HPSE2: variants seen among roughly 807,000 people sequenced by gnomAD.
The protein encoded by HPSE2 is inactive heparanase-2.
Under a neutral mutation model 60.5 loss-of-function variants are expected in HPSE2, and 38 were observed. The ratio of observed to expected loss-of-function variants is 0.63; its 90% CI spans 0.48 to 0.82. HPSE2 has a LOEUF of 0.82. Among genes scored for constraint, HPSE2 ranks in the 40% least tolerant of loss-of-function variants. The probability of loss-of-function intolerance (pLI) is 0.00; values close to 1 mark genes in which losing one functional copy is unlikely to be tolerated. For missense variants in HPSE2, 713 were observed against 740.4 expected (o/e 0.96, Z 0.43); for synonymous variants, 295 against 293.2 (o/e 1.01, Z -0.06).
intron 2 of HPSE2, among the ~76,000 whole-genome samples, chr10:99,163,345 GATTT>G (rs1846924002): frequency 6.6e-6 from 1 of 151,994 alleles, no homozygotes; most frequent in Non-Finnish European, 1.5e-5. Context: ...ATTTCCTTCA[GATTT>G]ATTTAAAGAA....
At chr10:99,250,526 C>T in the HPSE2 span, among the ~76,000 whole-genome samples, 1 of 152,134 alleles carries the variant, frequency 6.6e-6, no homozygotes, top group Non-Finnish European at 1.5e-5. Context: ...CTACAAAATA[C>T]TCTGCTCATC....
intron 3 of HPSE2, among the ~76,000 whole-genome samples, chr10:98,895,710 A>T (rs1448093052): frequency 6.6e-6 from 1 of 151,410 alleles, no homozygotes; most frequent in African/African-American, 2.4e-5. Context: ...GATAGACTGG[A>T]TTAAGAAAAT....
At chr10:98,745,286 C>G (rs1046520464) in intron 3 of HPSE2, among the ~76,000 whole-genome samples, 1 of 152,180 alleles carries the variant, frequency 6.6e-6, no homozygotes, top group Non-Finnish European at 1.5e-5. Context: ...CATGTGTCTC[C>G]TATTTATCCC....
chr10:99,307,383 T>G, the HPSE2 span, among the ~76,000 whole-genome samples: 119 of 152,192 alleles, frequency 7.8e-4, 1 homozygote, highest in Non-Finnish European at 1.5e-3. Context: ...GACTATTGAT[T>G]GTGCACCTCA....
At chr10:98,464,361 G>A (rs1940437474) in intron 11 of HPSE2, among the ~76,000 whole-genome samples, 1 of 152,160 alleles carries the variant, frequency 6.6e-6, no homozygotes, top group African/African-American at 2.4e-5. Flanking sequence ...AAGCCCCCGT[G>A]CCCTAGCATG....
At chr10:98,962,445 C>T (rs11189908) in intron 3 of HPSE2, among the ~76,000 whole-genome samples, 1 of 151,828 alleles carries the variant, frequency 6.6e-6, no homozygotes, top group African/African-American at 2.4e-5. Flanking sequence ...GTAATAAGAG[C>T]TATTTATGAC....
At chr10:98,920,467 T>G (rs1403714931) in intron 3 of HPSE2, among the ~76,000 whole-genome samples, 1 of 152,190 alleles carries the variant, frequency 6.6e-6, no homozygotes, top group Non-Finnish European at 1.5e-5. Context: ...CACAATACTT[T>G]AAGTAAATGT....
intron 11 of HPSE2, among the ~76,000 whole-genome samples, chr10:98,470,008 T>C (rs1998755): frequency 0.4 from 60,854 of 152,058 alleles, 13,570 homozygotes; most frequent in African/African-American, 0.62. Context: ...GTTTCCCCAG[T>C]CCTAATTGTG....
chr10:99,209,968 G>A (rs973974412), intron 2 of HPSE2, among the ~76,000 whole-genome samples: 2 of 152,194 alleles, frequency 1.3e-5, no homozygotes, highest in Admixed American at 6.5e-5. Context: ...GATTACAGGC[G>A]TAAGCCACTG....
At chr10:98,490,320 T>A in intron 9 of HPSE2, 124 bp from the exon 10 acceptor site, 1 of 1,176,392 alleles carries the variant, frequency 8.5e-7, no homozygotes, top group Non-Finnish European at 1.2e-6. Context: ...CTACCTGGAG[T>A]CATGAGTCAT....
chr10:98,672,909 T>G (rs1424585130), intron 6 of HPSE2, among the ~76,000 whole-genome samples: 1 of 152,234 alleles, frequency 6.6e-6, no homozygotes, highest in Non-Finnish European at 1.5e-5. Flanking sequence ...TGAAAAGTGT[T>G]GCTTGCAAAG....
the HPSE2 span, among the ~76,000 whole-genome samples, chr10:99,268,736 T>C: frequency 6.6e-6 from 1 of 150,520 alleles, no homozygotes; most frequent in South Asian, 2.1e-4. Context: ...AAATAATAAA[T>C]AAATAACAAG....
intron 9 of HPSE2, among the ~76,000 whole-genome samples, chr10:98,578,592 A>C (rs1336888595): frequency 6.6e-6 from 1 of 152,250 alleles, no homozygotes; most frequent in Non-Finnish European, 1.5e-5. Flanking sequence ...TAAATATCAA[A>C]TAGTCTGCAT....
At chr10:98,715,370 AT>A (rs1395046039) in intron 5 of HPSE2, among the ~76,000 whole-genome samples, 1 of 151,976 alleles carries the variant, frequency 6.6e-6, no homozygotes, top group Non-Finnish European at 1.5e-5. Flanking sequence ...AATACCATAT[AT>A]TTCTATATCA....
At chr10:98,546,358 C>G (rs964490827) in intron 9 of HPSE2, among the ~76,000 whole-genome samples, 54 of 135,228 alleles carry the variant, frequency 4.0e-4, no homozygotes, top group African/African-American at 1.0e-3. Flanking sequence ...CAATCCTAAG[C>G]CAAAAGAACA....
intron 3 of HPSE2, among the ~76,000 whole-genome samples, chr10:98,857,607 T>TA (rs1952349077): frequency 6.6e-6 from 1 of 152,134 alleles, no homozygotes; most frequent in Non-Finnish European, 1.5e-5. Flanking sequence ...AAATGACTTT[T>TA]AAAAAAACTG....
chr10:98,678,445 T>C (rs1430885345), intron 6 of HPSE2, among the ~76,000 whole-genome samples: 1 of 152,070 alleles, frequency 6.6e-6, no homozygotes, highest in East Asian at 1.9e-4. Context: ...TTCCCGAAGT[T>C]TATGGGGCCT....
intron 9 of HPSE2, among the ~76,000 whole-genome samples, chr10:98,553,821 T>G (rs1416219510): frequency 6.6e-6 from 1 of 152,222 alleles, no homozygotes; most frequent in Non-Finnish European, 1.5e-5. Context: ...TGGCTCTTCC[T>G]GTGCTGTTTT....
chr10:98,735,346 G>A (rs573894415), intron 4 of HPSE2, among the ~76,000 whole-genome samples: 1 of 86,904 alleles, frequency 1.2e-5, no homozygotes, highest in South Asian at 3.5e-4. Context: ...GGGAGCCTCT[G>A]CCTAGATTTC....
Sources: gnomAD v4.1 joint callset for allele counts (sites outside exome capture counted in the v4.1 genomes callset) on GRCh38, gnomAD v4.1.1 for gene constraint, MANE v1.5 for transcripts, NCBI Gene and HGNC (gene_info 2026-07-23, HGNC 2026-07-21) for gene names.